TRIM14: variants seen among roughly 807,000 people sequenced by gnomAD.
TRIM14 encodes tripartite motif-containing protein 14.
Under a neutral mutation model 44.5 loss-of-function variants are expected in TRIM14, and 28 were observed. That is an observed-to-expected ratio of 0.63 (90% CI 0.47 to 0.86). The LOEUF is 0.86. Ranked by LOEUF, TRIM14 falls within the 40% of genes least tolerant of loss-of-function variation. The probability of loss-of-function intolerance (pLI) is 0.00; values close to 1 mark genes in which losing one functional copy is unlikely to be tolerated. For missense variants in TRIM14, 607 were observed against 611.1 expected, an observed-to-expected ratio of 0.99 and a Z score of 0.07; for synonymous variants, 299 against 269.2, an observed-to-expected ratio of 1.11 and a Z score of -1.08.
At chr9:98,040,881 T>C in the TRIM14 span, among the ~76,000 whole-genome samples, 1 of 152,158 alleles carries the variant, frequency 6.6e-6, no homozygotes, top group Non-Finnish European at 1.5e-5. Flanking sequence ...GCTCTTGAAC[T>C]CCTGACCTCT....
At chr9:98,109,819 T>G (rs887069460) in intron 2 of TRIM14, 70 bp downstream of exon 2, 3 of 1,288,614 alleles carry the variant, frequency 2.3e-6, no homozygotes, top group African/African-American at 3.0e-5. Flanking sequence ...TGGCTCCATA[T>G]TGGGGGTCCC....
chr9:98,105,542 G>A (rs1826577362), intron 2 of TRIM14, among the ~76,000 whole-genome samples: 1 of 152,222 alleles, frequency 6.6e-6, no homozygotes, highest in African/African-American at 2.4e-5. Flanking sequence ...TCACGCCACT[G>A]TGCTCTAGCC....
the TRIM14 span, chr9:98,056,919 G>A: frequency 2.5e-6 from 4 of 1,605,560 alleles, no homozygotes; most frequent in Non-Finnish European, 2.6e-6. Flanking sequence ...ACGTAGCCAA[G>A]CGCATGATCC....
intron 6 of TRIM14, among the ~76,000 whole-genome samples, chr9:98,072,375 C>T (rs1234372101): frequency 6.6e-6 from 1 of 151,916 alleles, no homozygotes; most frequent in Admixed American, 6.6e-5. Flanking sequence ...CAGCTAGTCC[C>T]CTGCCTGACC....
At chr9:98,051,966 T>C in the TRIM14 span, among the ~76,000 whole-genome samples, 3 of 152,128 alleles carry the variant, frequency 2.0e-5, no homozygotes, top group African/African-American at 7.2e-5. Flanking sequence ...GATCCAAGCG[T>C]GCAAAGAGCC....
the TRIM14 span, among the ~76,000 whole-genome samples, chr9:98,047,886 G>A: frequency 6.6e-6 from 1 of 151,942 alleles, no homozygotes; most frequent in Non-Finnish European, 1.5e-5. Context: ...CCAATGTGGT[G>A]AAACTTCATC....
the TRIM14 span, among the ~76,000 whole-genome samples, chr9:98,049,542 T>C: frequency 6.6e-6 from 1 of 152,046 alleles, no homozygotes; most frequent in African/African-American, 2.4e-5. Context: ...GGGGTAACTT[T>C]CTATGTTGCT....
downstream of TRIM14, among the ~76,000 whole-genome samples, chr9:98,069,048 T>C (rs1342175625): frequency 1.3e-5 from 2 of 152,208 alleles, no homozygotes; most frequent in African/African-American, 4.8e-5. Context: ...TAAAGCTAGA[T>C]AATGTGTTTA....
intron 6 of TRIM14, among the ~76,000 whole-genome samples, chr9:98,071,038 CTG>C (rs1469548453): frequency 1.3e-5 from 2 of 152,154 alleles, no homozygotes; most frequent in Non-Finnish European, 2.9e-5. Flanking sequence ...GTCTTAAACT[CTG>C]GGCCTCAAAC....
downstream of TRIM14, chr9:98,081,926 A>G (rs1298601560): frequency 2.6e-5 from 4 of 152,206 alleles, no homozygotes; most frequent in Non-Finnish European, 5.9e-5. Context: ...TAGACCAGAA[A>G]CCAGAGTAAG....
At chr9:98,110,365 T>G in intron 1 of TRIM14, 6 of 202,840 alleles carry the variant, frequency 3.0e-5, no homozygotes, top group Non-Finnish European at 4.1e-5. Flanking sequence ...TGCTGGGCCC[T>G]GTTCCAGGTG....
In TRIM14 at chr9:98,087,959, C is replaced by T. The variant is rs1393603923; in HGVS notation, c.840G>A (p.Leu280=). Residue 280 remains leucine, a synonymous_variant, in exon 6 of 6, where the codon CTG becomes CTA. Coordinates refer to ENST00000341469, the MANE Select transcript of TRIM14 (RefSeq NM_014788.4). The part of the protein sequence containing the change: ...TLDPDTMHAR[L]RLSADRLTVR... ...CCGTCAGGCGATCGGCGGACAGGCG[C>T]AGGCGCGCGTGCATCGTGTCAGGAT... 2 of 1,564,612 alleles carry T rather than the reference C, an allele frequency of 1.3e-6. No homozygotes were observed. The highest frequency in any genetic ancestry group is 1.1e-5 in the South Asian group (1 of 87,524).
intron 5 of TRIM14, 125 bp downstream of exon 5, chr9:98,091,784 A>AAAT: frequency 2.1e-6 from 1 of 467,518 alleles, no homozygotes; most frequent in Non-Finnish European, 3.4e-6. Flanking sequence ...ACAAGTTCTT[A>AAAT]AAATAAATAA....
chr9:98,040,140 G>A, the TRIM14 span, among the ~76,000 whole-genome samples: 9 of 152,152 alleles, frequency 5.9e-5, no homozygotes, highest in East Asian at 1.9e-4. Context: ...CACTGTACCC[G>A]GCATCTCTCT....
intron 3 of TRIM14, 58 bp downstream of exon 3, chr9:98,099,873 C>A (rs1304951621): frequency 1.0e-5 from 15 of 1,488,472 alleles, no homozygotes; most frequent in Non-Finnish European, 1.3e-5. Flanking sequence ...TGCCACAATA[C>A]TTGAGATGAA....
At chr9:98,059,387 T>C in the TRIM14 span, among the ~76,000 whole-genome samples, 4 of 151,952 alleles carry the variant, frequency 2.6e-5, no homozygotes, top group South Asian at 2.1e-4. Context: ...GATGGGACTT[T>C]AGTGGGTTTT....
At chr9:98,079,527 C>T (rs1358269509), downstream of TRIM14, among the ~76,000 whole-genome samples, 1 of 152,172 alleles carries the variant, frequency 6.6e-6, no homozygotes, top group African/African-American at 2.4e-5. Context: ...CCTAAACTTT[C>T]TGTCCCTCCC....
chr9:98,070,336 T>TA (rs1416951461), intron 6 of TRIM14, among the ~76,000 whole-genome samples: 1 of 152,154 alleles, frequency 6.6e-6, no homozygotes, highest in Non-Finnish European at 1.5e-5. Flanking sequence ...CAGGCTGGTC[T>TA]TGAACTCCTG....
chr9:98,059,619 T>G, the TRIM14 span, among the ~76,000 whole-genome samples: 1 of 152,192 alleles, frequency 6.6e-6, no homozygotes, highest in Non-Finnish European at 1.5e-5. Context: ...CTTACTATGT[T>G]GCCGAGGCTG....
Sources: gnomAD v4.1 joint callset for allele counts (sites outside exome capture counted in the v4.1 genomes callset) on GRCh38, gnomAD v4.1.1 for gene constraint, MANE v1.5 for transcripts, NCBI Gene and HGNC (gene_info 2026-07-23, HGNC 2026-07-21) for gene names.